The following TRIM35 variants were observed in gnomAD, a reference collection of about 807,000 sequenced individuals.
TRIM35 encodes the protein tripartite motif containing 35.
In TRIM35, 37 loss-of-function variants were observed where a neutral mutation model predicts 49.1. The ratio of observed to expected loss-of-function variants is 0.75; its 90% CI spans 0.58 to 0.99. The LOEUF (loss-of-function observed/expected upper bound fraction) is 0.99, where lower values mean the gene tolerates loss of function less well. Among genes scored for constraint, TRIM35 ranks in the 50% least tolerant of loss-of-function variants. The probability of loss-of-function intolerance (pLI) is 0.00; values close to 1 mark genes in which losing one functional copy is unlikely to be tolerated. For synonymous variants in TRIM35, 302 were observed against 289.3 expected (o/e 1.04, Z -0.45); for missense variants, 648 against 702.7 (o/e 0.92, Z 0.88).
rs545088816 is a variant in TRIM35 at position 27,304,494 on chromosome 8, A to T, written c.436-5935T>A. Among the ~76,000 whole-genome samples the T allele has an allele frequency of 7.9e-5, 12 of 152,320 alleles. No homozygotes were observed. The South Asian group carries it at 2.5e-3, about 32-fold the overall frequency. On this transcript the variant is annotated intron_variant, in intron 1 of 5. Coordinates refer to ENST00000305364, the MANE Select transcript of TRIM35 (RefSeq NM_171982.5). ...GCCAGCTCAGGTTCCATTCCAGGGC[A>T]TCACAGCACCCTGGCCACCTCTGTC...
intron 1 of TRIM35, chr8:27,304,941 T>C (rs543559590): frequency 7.8e-6 from 3 of 383,986 alleles, no homozygotes; most frequent in East Asian, 1.5e-4. Context: ...GGCAGATTGA[T>C]GTAGCAGCCA....
rs141538171 is a variant in TRIM35, at chr8:27,307,251, G to A, written c.435+3550C>T. The stretch of plus-strand genomic sequence containing the variant: ...CCAGCTCCTAAGCAGGGCCCTCTGT[G>A]TCCTGTGGGATCTGTCCTGCAGTTC... On this transcript the variant is annotated intron_variant, in intron 1 of 5. Coordinates refer to ENST00000305364, the MANE Select transcript of TRIM35 (RefSeq NM_171982.5). Among the ~76,000 whole-genome samples the A allele has an allele frequency of 2.6e-5, 4 of 152,164 alleles. No individual in the cohort carries two copies. In the East Asian group the frequency reaches 7.7e-4, roughly 29 times the overall value.
intron 1 of TRIM35, among the ~76,000 whole-genome samples, chr8:27,308,710 G>C (rs941465662): frequency 2.0e-5 from 3 of 152,174 alleles, no homozygotes; most frequent in Non-Finnish European, 2.9e-5. Flanking sequence ...TTTGCACCCT[G>C]CATCAGGCTG....
intron 2 of TRIM35, among the ~76,000 whole-genome samples, chr8:27,297,759 A>T (rs1233272648): frequency 6.6e-6 from 1 of 152,230 alleles, no homozygotes; most frequent in African/African-American, 2.4e-5. Flanking sequence ...GATGCTGGGC[A>T]TGTGTTCTGG....
intron 1 of TRIM35, among the ~76,000 whole-genome samples, chr8:27,307,790 A>C (rs1802817361): frequency 2.0e-5 from 3 of 151,940 alleles, no homozygotes; most frequent in Non-Finnish European, 4.4e-5. Flanking sequence ...TACCCTCTCT[A>C]TGATTCTATA....
chr8:27,294,234 T>G lies in TRIM35; in HGVS notation c.608A>C (p.Gln203Pro). Residue 203 changes from glutamine to proline, a missense_variant, in exon 3 of 6, where the codon CAG becomes CCG. Gln to Pro is a moderately conservative substitution (Grantham distance 76, BLOSUM62 -1). Coordinates refer to ENST00000305364, the MANE Select transcript of TRIM35 (RefSeq NM_171982.5). ...CTCGGCCATGGCATCCAGAATGGCC[T>G]GCTCCTCCACTCTCAAGAACTCGCG... ...KLREFLRVEE[Q>P]AILDAMAEET... 1 of 1,614,216 alleles carries G rather than the reference T, an allele frequency of 6.2e-7. No individual in the cohort carries two copies. The highest frequency in any genetic ancestry group is 8.5e-7 in the Non-Finnish European group (1 of 1,180,052).
chr8:27,306,046 A>G (rs1802777517), intron 1 of TRIM35, among the ~76,000 whole-genome samples: 1 of 152,036 alleles, frequency 6.6e-6, no homozygotes, highest in African/African-American at 2.4e-5. Context: ...ACTGGCCTCA[A>G]GCAATCCTCC....
In TRIM35 at chr8:27,286,069, T is replaced by A. The variant is rs1586039166; in HGVS notation, c.*1481A>T. 2 of 455,904 alleles carry A rather than the reference T, an allele frequency of 4.4e-6. No homozygotes were observed. The highest frequency in any genetic ancestry group is 2.0e-5 in the African/African-American group (1 of 50,060). 28.2% of individuals were successfully genotyped at this position (455,904 alleles called of 1,614,324 possible). A position where few individuals can be genotyped will look rare whatever the true frequency, so the allele number is the denominator to read the frequency against. On this transcript the variant is annotated 3_prime_UTR_variant, in exon 6 of 6. Coordinates refer to ENST00000305364, the MANE Select transcript of TRIM35 (RefSeq NM_171982.5). ...GTTTAAAATGTCAGCTTTTGTGAACTGAAGGGGATGGGCAGAAGGCAGGAT... is the reference window on the plus strand; with the variant it reads ...GTTTAAAATGTCAGCTTTTGTGAACAGAAGGGGATGGGCAGAAGGCAGGAT...
chr8:27,285,402 T>C lies in TRIM35; in HGVS notation c.*2148A>G, dbSNP rs1043267349. The C allele has an allele frequency of 6.6e-6, 1 of 152,168 alleles. No homozygotes were observed. Among genetic ancestry groups the C allele is most frequent in the Non-Finnish European group, 1.5e-5 (1 of 68,034 alleles). The allele number at this position is 152,168 out of a possible 1,614,324, so 9.4% of individuals were successfully genotyped here. A position where few individuals can be genotyped will look rare whatever the true frequency, so the allele number is the denominator to read the frequency against. On this transcript the variant is annotated 3_prime_UTR_variant, in exon 6 of 6. Transcript: ENST00000305364. The stretch of plus-strand genomic sequence containing the variant: ...AAACATATGTCCACACAAAAACTCA[T>C]ACACAAAAGTTCCTAGCAGCATTAT...
At chr8:27,294,018 G>A in intron 3 of TRIM35, 62 bp downstream of exon 3, 2 of 1,545,944 alleles carry the variant, frequency 1.3e-6, no homozygotes, top group Non-Finnish European at 1.8e-6. Flanking sequence ...GGTGGGCTAT[G>A]GCTCCCAGCT....
intron 1 of TRIM35, among the ~76,000 whole-genome samples, chr8:27,309,561 G>A (rs377743579): frequency 6.6e-6 from 1 of 152,182 alleles, no homozygotes; most frequent in Admixed American, 6.5e-5. Context: ...CAGGGGACTC[G>A]GGCAGCTCCT....
At chr8:27,304,645 T>C in intron 1 of TRIM35, 1 of 350,078 alleles carries the variant, frequency 2.9e-6, no homozygotes, top group Non-Finnish European at 5.6e-6. Flanking sequence ...CTCTGCAAGG[T>C]GAGAGACTTT....
chr8:27,301,847 T>C (rs903578289), intron 1 of TRIM35, among the ~76,000 whole-genome samples: 2 of 152,238 alleles, frequency 1.3e-5, no homozygotes, highest in African/African-American at 4.8e-5. Context: ...CTTTCACATT[T>C]AGGTCTGATG....
chr8:27,294,598 T>C (rs1238872382), intron 2 of TRIM35, among the ~76,000 whole-genome samples: 2 of 152,234 alleles, frequency 1.3e-5, no homozygotes, highest in Non-Finnish European at 1.5e-5. Context: ...CTACATACAA[T>C]GTTCAGTTCC....
In TRIM35 at chr8:27,287,919, G is replaced by A. The variant is rs760268471; in HGVS notation, c.1113C>T (p.Gly371=). 16 of 1,612,866 alleles carry A rather than the reference G, an allele frequency of 9.9e-6. No homozygotes were observed. The African/African-American group carries it at 1.2e-4, about 12-fold the overall frequency. Residue 371 remains glycine, a synonymous_variant, in exon 6 of 6, where the codon GGC becomes GGT. Coordinates refer to ENST00000305364, the MANE Select transcript of TRIM35 (RefSeq NM_171982.5). The surrounding 1 kb of genome is among the most constrained non-coding windows in gnomAD (Gnocchi z 6.0). ...CCGAGTCCTGGCGCACACGTACCAC[G>A]CCCACCCTCCAGCTCTGCAGCCCCC... ...ALGGLQSWRV[G]VVRVRQDSGA...
rs139554946 is a variant in TRIM35 at position 27,294,094 on chromosome 8, C to T, written c.748G>A (p.Val250Ile). ...RLQMEMKEDDVSFLMKHKSRK... is the reference protein window; with the variant it reads ...RLQMEMKEDDISFLMKHKSRK... ...GAGCTCCTTACCATGAGAAAAGAAA[C>T]GTCGTCCTCCTTCATCTCCATCTGC... The change falls in exon 3 of 6, where the codon GTT becomes ATT. Residue 250 changes from valine to isoleucine, a missense_variant. By Grantham distance (29) the Val-to-Ile change is conservative (BLOSUM62 3). Transcript: ENST00000305364. The T allele has an allele frequency of 9.2e-5, 149 of 1,614,054 alleles. No homozygotes were observed. The highest frequency in any genetic ancestry group is 2.8e-4 in the African/African-American group (21 of 75,032).
rs1802950852 is a variant in TRIM35, at chr8:27,311,224, A to T, written c.12T>A (p.Ser4Arg). MER[S>R]PDVSPGPSRS... is the part of the protein sequence containing the mutation. Reference sequence around the variant, plus strand: ...GGGAAGGCCCGGGGGACACGTCGGGACTCCGCTCCATGGCACGAGCAGCCG... The same window carrying T: ...GGGAAGGCCCGGGGGACACGTCGGGTCTCCGCTCCATGGCACGAGCAGCCG... The change falls in exon 1 of 6, where the codon AGT (serine) becomes AGA (arginine). Residue 4 changes from serine to arginine, a missense_variant. Ser to Arg is a moderately radical substitution (Grantham distance 110). Coordinates refer to ENST00000305364, the MANE Select transcript of TRIM35 (RefSeq NM_171982.5). 1.9e-6 allele frequency: 3 copies of T among 1,554,318 alleles called. No homozygotes were observed. Among genetic ancestry groups the T allele is most frequent in the Non-Finnish European group, 2.6e-6 (3 of 1,147,068 alleles).
At chr8:27,297,629 T>A (rs1227212462) in intron 2 of TRIM35, among the ~76,000 whole-genome samples, 2 of 152,202 alleles carry the variant, frequency 1.3e-5, no homozygotes, top group African/African-American at 4.8e-5. Context: ...AAAAGGTAAT[T>A]ACAGGTAATG....
At chr8:27,294,039 C>A in intron 3 of TRIM35, 41 bp downstream of exon 3, 1 of 1,593,658 alleles carries the variant, frequency 6.3e-7, no homozygotes, top group Non-Finnish European at 8.6e-7. Context: ...GGTCCTGGAA[C>A]ATGTGGCCCT....
Sources: allele counts gnomAD v4.1 joint callset (sites outside exome capture counted in the v4.1 genomes callset), GRCh38; gene constraint gnomAD v4.1.1; non-coding constraint Gnocchi (gnomAD v3.1); transcripts MANE v1.5; gene names NCBI Gene and HGNC (gene_info 2026-07-23, HGNC 2026-07-21).